The following AGBL1 variants were observed in gnomAD, a reference collection of about 807,000 sequenced individuals.
AGBL1 encodes AGBL carboxypeptidase 1, also known as cytosolic carboxypeptidase 4.
A neutral mutation model predicts 118.9 loss-of-function variants in AGBL1; 130 were observed. The ratio of observed to expected loss-of-function variants is 1.09; its 90% CI spans 0.95 to 1.26. The LOEUF is 1.26. AGBL1 is among the 50% of genes most tolerant of loss of function. AGBL1 has a pLI of 0.00. For synonymous variants in AGBL1, 555 were observed against 478.9 expected, an observed-to-expected ratio of 1.16 and a Z score of -2.08; for missense variants, 1,584 against 1,298.1, an observed-to-expected ratio of 1.22 and a Z score of -3.38.
chr15:86,818,808 G>T (rs1333884190), intron 22 of AGBL1, among the ~76,000 whole-genome samples: 1 of 152,102 alleles, frequency 6.6e-6, no homozygotes, highest in Non-Finnish European at 1.5e-5. Context: ...TTGTTATTCT[G>T]CCTCTTTTAG....
intron 22 of AGBL1, among the ~76,000 whole-genome samples, chr15:86,728,218 C>T (rs2086848627): frequency 6.6e-6 from 1 of 152,112 alleles, no homozygotes; most frequent in African/African-American, 2.4e-5. Flanking sequence ...CCACAGTTAC[C>T]CAGGAAATAC....
At chr15:86,231,002 G>T (rs1352222500) in intron 6 of AGBL1, among the ~76,000 whole-genome samples, 1 of 152,016 alleles carries the variant, frequency 6.6e-6, no homozygotes, top group Admixed American at 6.6e-5. Context: ...CCAGAGAGAG[G>T]GCGTGATCCA....
At chr15:86,964,542 A>G (rs1166606808) in intron 23 of AGBL1, among the ~76,000 whole-genome samples, 1 of 151,844 alleles carries the variant, frequency 6.6e-6, no homozygotes, top group Non-Finnish European at 1.5e-5. Context: ...ACAGTAAATC[A>G]CCTCCTGAAC....
At chr15:86,763,753 G>T (rs2078059433) in intron 22 of AGBL1, among the ~76,000 whole-genome samples, 2 of 151,902 alleles carry the variant, frequency 1.3e-5, no homozygotes, top group African/African-American at 4.8e-5. Context: ...AGTTACAATT[G>T]GTTTCTTTAG....
intron 19 of AGBL1, among the ~76,000 whole-genome samples, chr15:86,525,278 C>T (rs1427368020): frequency 1.3e-5 from 2 of 152,002 alleles, no homozygotes; most frequent in Non-Finnish European, 2.9e-5. Context: ...ATATCCCATG[C>T]TCATGGATAG....
At chr15:86,645,598 C>A (rs2085264307) in intron 21 of AGBL1, among the ~76,000 whole-genome samples, 1 of 152,026 alleles carries the variant, frequency 6.6e-6, no homozygotes, top group Admixed American at 6.6e-5. Flanking sequence ...TTTATGAAGG[C>A]CACAAGGACA....
At chr15:86,216,317 A>G (rs148932966) in intron 5 of AGBL1, among the ~76,000 whole-genome samples, 1 of 152,074 alleles carries the variant, frequency 6.6e-6, no homozygotes, top group Non-Finnish European at 1.5e-5. Context: ...AGGTAGCAGA[A>G]TATGTATCTT....
At chr15:86,608,525 G>T (rs2084614116) in intron 21 of AGBL1, among the ~76,000 whole-genome samples, 1 of 152,164 alleles carries the variant, frequency 6.6e-6, no homozygotes, top group Non-Finnish European at 1.5e-5. Flanking sequence ...AAAGTAAAAT[G>T]CTTGGGTCCT....
chr15:86,988,151 T>C, intron 24 of AGBL1: 1 of 1,572,444 alleles, frequency 6.4e-7, no homozygotes, highest in East Asian at 2.3e-5. Context: ...TGAAATACCC[T>C]GCATGTGACT....
intron 17 of AGBL1, among the ~76,000 whole-genome samples, chr15:86,357,449 C>G (rs1190187544): frequency 6.6e-6 from 1 of 152,084 alleles, no homozygotes; most frequent in Non-Finnish European, 1.5e-5. Flanking sequence ...CTGTTTCTAT[C>G]AAAATTAAAA....
rs148069975 is a variant in AGBL1, at chr15:86,166,588, G to A, written c.488+7562G>A. Among the ~76,000 whole-genome samples the A allele has an allele frequency of 3.0e-3, 456 of 152,276 alleles. 8 individuals carry two copies. Among genetic ancestry groups the A allele is most frequent in the African/African-American group, 0.01 (436 of 41,554 alleles). On this transcript the variant is annotated intron_variant, in intron 5 of 22. Transcript: ENST00000614907. Reference sequence around the variant, plus strand: ...CTAGTCCCTGTTTCTCACCTTTGAGGTGTTCTCTAATCCCCTGTCACCTGG... The same window carrying A: ...CTAGTCCCTGTTTCTCACCTTTGAGATGTTCTCTAATCCCCTGTCACCTGG...
chr15:86,121,121 C>T (rs1445811808), intron 1 of AGBL1, among the ~76,000 whole-genome samples: 2 of 152,194 alleles, frequency 1.3e-5, no homozygotes, highest in Non-Finnish European at 2.9e-5. Flanking sequence ...TGGTCTCGAA[C>T]TCCTGACCTC....
chr15:86,281,223 A>C (rs1028528209), intron 16 of AGBL1, among the ~76,000 whole-genome samples: 16 of 152,098 alleles, frequency 1.1e-4, no homozygotes, highest in Non-Finnish European at 2.1e-4. Flanking sequence ...ATCTCTACAA[A>C]AAATACAAAA....
intron 21 of AGBL1, among the ~76,000 whole-genome samples, chr15:86,568,868 C>T (rs2083958492): frequency 6.6e-6 from 1 of 152,092 alleles, no homozygotes; most frequent in African/African-American, 2.4e-5. Flanking sequence ...TCTGTTAAGG[C>T]AAGGACATTG....
At chr15:86,672,510 C>T (rs1025368593) in intron 21 of AGBL1, among the ~76,000 whole-genome samples, 3 of 152,118 alleles carry the variant, frequency 2.0e-5, no homozygotes, top group African/African-American at 7.2e-5. Context: ...AGTGCTCCTG[C>T]CCCCGAGGGC....
chr15:87,016,583 ACT>A (rs1318681661), intron 24 of AGBL1, among the ~76,000 whole-genome samples: 1 of 152,204 alleles, frequency 6.6e-6, no homozygotes, highest in African/African-American at 2.4e-5. Context: ...AGTTTGCAAC[ACT>A]CATGGAGAGA....
chr15:86,949,236 T>A lies in AGBL1; in HGVS notation c.3222-38751T>A, dbSNP rs539520466. Among the ~76,000 whole-genome samples the A allele has an allele frequency of 3.9e-5, 6 of 152,308 alleles. No homozygotes were observed. The South Asian group carries it at 1.2e-3, about 32-fold the overall frequency. On this transcript the variant is annotated intron_variant, in intron 23 of 24. Coordinates refer to the AGBL1 transcript ENST00000441037. ...TAGAACAGATTGCAGCAGACCCATG[T>A]TCCTATTAGGAAAAACTTACAAAAT... is the stretch of plus-strand genomic sequence containing the variant.
chr15:86,917,315 G>A (rs1282539786), downstream of AGBL1, among the ~76,000 whole-genome samples: 1 of 152,106 alleles, frequency 6.6e-6, no homozygotes, highest in Non-Finnish European at 1.5e-5. This position sits in a 1 kb window ranked among gnomAD's most constrained non-coding sequence, Gnocchi z 4.8. Flanking sequence ...CCTGGGCCTG[G>A]GCCAACTGCC....
At chr15:86,586,101 T>C (rs2084244548) in intron 21 of AGBL1, among the ~76,000 whole-genome samples, 1 of 152,184 alleles carries the variant, frequency 6.6e-6, no homozygotes, top group Non-Finnish European at 1.5e-5. Flanking sequence ...AACATTCTCA[T>C]CTGAGAGATA....
Sources: allele counts gnomAD v4.1 joint callset (sites outside exome capture counted in the v4.1 genomes callset), GRCh38; gene constraint gnomAD v4.1.1; non-coding constraint Gnocchi (gnomAD v3.1); transcripts MANE v1.5; gene names NCBI Gene and HGNC (gene_info 2026-07-23, HGNC 2026-07-21).